SPON1: variants seen among roughly 807,000 people sequenced by gnomAD.
SPON1 encodes spondin-1.
A neutral mutation model predicts 111.7 loss-of-function variants in SPON1; 52 were observed. The observed-to-expected ratio is 0.47, with a 90% confidence interval of 0.37 to 0.59. The LOEUF is 0.59. Among genes scored for constraint, SPON1 ranks in the 20% least tolerant of loss-of-function variants. The pLI is 0.00. For synonymous variants in SPON1, 410 were observed against 395.8 expected (o/e 1.04, Z -0.43); for missense variants, 957 against 1,068.5 (o/e 0.90, Z 1.46).
intron 6 of SPON1, among the ~76,000 whole-genome samples, chr11:14,224,284 G>A (rs1057258204): frequency 3.3e-5 from 5 of 152,094 alleles, no homozygotes; most frequent in African/African-American, 4.8e-5. Context: ...AGGGTGCAAC[G>A]TAGGGTACCT....
At chr11:14,161,413 G>C (rs372234101) in intron 6 of SPON1, among the ~76,000 whole-genome samples, 37 of 149,630 alleles carry the variant, frequency 2.5e-4, no homozygotes, top group Non-Finnish European at 3.2e-4. Flanking sequence ...CCACCTCCCA[G>C]GTTCAAGTGA....
At chr11:13,997,008 T>C (rs549325935) in intron 2 of SPON1, among the ~76,000 whole-genome samples, 1 of 151,510 alleles carries the variant, frequency 6.6e-6, no homozygotes, top group African/African-American at 2.4e-5. Flanking sequence ...CATAAATCTT[T>C]GCACCTGTAT....
chr11:14,043,323 T>C (rs978583477), intron 3 of SPON1, among the ~76,000 whole-genome samples: 10 of 152,128 alleles, frequency 6.6e-5, no homozygotes, highest in African/African-American at 1.9e-4. Flanking sequence ...AAGTGGAGCA[T>C]CTTATGTGAT....
At position 14,135,368 on chromosome 11, in the gene SPON1, C is replaced by T. The variant is rs868964886; in HGVS notation, c.677-52C>T. The T allele has an allele frequency of 5.1e-6, 8 of 1,576,364 alleles. No homozygotes were observed. Among genetic ancestry groups the T allele is most frequent in the African/African-American group, 4.1e-5 (3 of 73,878 alleles). ...CATCCTCCCCATCATTTAAGGGACT[C>T]GTGTTTCAGCCACAGCCATGCTGAT... is the stretch of plus-strand genomic sequence containing the variant. On this transcript the variant is annotated intron_variant, in intron 5 of 15. Transcript: ENST00000576479. This position sits in a 1 kb window ranked among gnomAD's most constrained non-coding sequence, Gnocchi z 4.4.
intron 6 of SPON1, among the ~76,000 whole-genome samples, chr11:14,210,795 G>A (rs1554936647): frequency 6.6e-6 from 1 of 152,128 alleles, no homozygotes; most frequent in Non-Finnish European, 1.5e-5. Context: ...TGTAAGGAAG[G>A]GGTCCAGTTT....
At chr11:14,009,060 G>A (rs1848385096) in intron 2 of SPON1, among the ~76,000 whole-genome samples, 1 of 152,132 alleles carries the variant, frequency 6.6e-6, no homozygotes, top group Non-Finnish European at 1.5e-5. Flanking sequence ...GCTCTGTTAA[G>A]CTGCCTTCAG....
chr11:14,012,995 G>A (rs1209267652), intron 2 of SPON1, among the ~76,000 whole-genome samples: 1 of 152,126 alleles, frequency 6.6e-6, no homozygotes, highest in East Asian at 1.9e-4. Context: ...CCTGATGACT[G>A]TACTCTGATA....
chr11:14,261,444 A>G (rs782620734), intron 14 of SPON1, among the ~76,000 whole-genome samples: 2 of 152,200 alleles, frequency 1.3e-5, no homozygotes, highest in Non-Finnish European at 2.9e-5. Context: ...AGTAACCTTC[A>G]GCCGATGACT....
chr11:14,191,654 C>T (rs545952321), intron 6 of SPON1, among the ~76,000 whole-genome samples: 74 of 152,272 alleles, frequency 4.9e-4, no homozygotes, highest in African/African-American at 1.6e-3. Flanking sequence ...AAAGCAAAAA[C>T]CCATCAAGAG....
intron 6 of SPON1, among the ~76,000 whole-genome samples, chr11:14,223,134 G>A (rs1848699178): frequency 1.3e-5 from 2 of 152,342 alleles, no homozygotes; most frequent in East Asian, 3.9e-4. Context: ...GGAGGCTGAG[G>A]CGGGTGGATC....
chr11:14,149,182 C>G (rs375621372), intron 6 of SPON1, among the ~76,000 whole-genome samples: 1 of 152,036 alleles, frequency 6.6e-6, no homozygotes, highest in East Asian at 1.9e-4. Context: ...TTACTGCCCC[C>G]GAGGACCTTC....
intron 7 of SPON1, among the ~76,000 whole-genome samples, chr11:14,244,675 G>A (rs907149253): frequency 6.7e-6 from 1 of 150,112 alleles, no homozygotes; most frequent in Non-Finnish European, 1.5e-5. Flanking sequence ...CCGGGTCCAG[G>A]GAGTCAAGCA....
chr11:14,041,843 ATC>A (rs1286777848), intron 3 of SPON1, among the ~76,000 whole-genome samples, 189 bp downstream of exon 3: 1 of 152,192 alleles, frequency 6.6e-6, no homozygotes, highest in Non-Finnish European at 1.5e-5. Context: ...ATTTGCTAGA[ATC>A]TCTATTTTCA....
chr11:14,265,504 A>G lies in SPON1; in HGVS notation c.2261-20A>G. ...CCGTCCCGTTTCTGCGGGCCTAACA[A>G]GGCATTCTCATGCTTTCAGGTTGTA... On this transcript the variant is annotated intron_variant, in intron 15 of 15. Coordinates refer to ENST00000576479, the MANE Select transcript of SPON1 (RefSeq NM_006108.4). 3 of 1,608,750 alleles carry G rather than the reference A, an allele frequency of 1.9e-6. No individual in the cohort carries two copies. The highest frequency in any genetic ancestry group is 2.5e-6 in the Non-Finnish European group (3 of 1,177,568).
At chr11:14,067,206 C>G (rs1442750971) in intron 3 of SPON1, among the ~76,000 whole-genome samples, 2 of 152,004 alleles carry the variant, frequency 1.3e-5, no homozygotes, top group African/African-American at 2.4e-5. Context: ...TAAAAGACCT[C>G]CAACAGCTCC....
chr11:14,018,965 A>C (rs1178157189), intron 2 of SPON1, among the ~76,000 whole-genome samples: 1 of 152,198 alleles, frequency 6.6e-6, no homozygotes, highest in African/African-American at 2.4e-5. Context: ...ATATGTTTAG[A>C]AGGTAGAATT....
intron 6 of SPON1, among the ~76,000 whole-genome samples, chr11:14,190,790 G>A (rs181384688): frequency 2.6e-5 from 4 of 151,646 alleles, no homozygotes; most frequent in Admixed American, 6.6e-5. Flanking sequence ...AAAGGGGCCC[G>A]CCACCGTGCC....
intron 3 of SPON1, among the ~76,000 whole-genome samples, chr11:14,043,628 AAAG>A (rs1395620535): frequency 6.6e-6 from 1 of 152,184 alleles, no homozygotes; most frequent in African/African-American, 2.4e-5. Flanking sequence ...CTGGAGCTCT[AAAG>A]AAGATGGGCT....
At chr11:13,981,978 C>T (rs900263098) in intron 1 of SPON1, among the ~76,000 whole-genome samples, 5 of 152,134 alleles carry the variant, frequency 3.3e-5, no homozygotes, top group Admixed American at 2.0e-4. Flanking sequence ...CTCCCTTATC[C>T]GAGGTTTTGC....
Sources: allele counts gnomAD v4.1 joint callset (sites outside exome capture counted in the v4.1 genomes callset), GRCh38; gene constraint gnomAD v4.1.1; non-coding constraint Gnocchi (gnomAD v3.1); transcripts MANE v1.5; gene names NCBI Gene and HGNC (gene_info 2026-07-23, HGNC 2026-07-21).